ATXN7L1: variants seen among roughly 807,000 people sequenced by gnomAD.
The protein encoded by ATXN7L1 is ataxin 7 like 1.
In ATXN7L1, 15 loss-of-function variants were observed where a neutral mutation model predicts 70.8. The ratio of observed to expected loss-of-function variants is 0.21; its 90% CI spans 0.14 to 0.33. ATXN7L1 has a LOEUF of 0.33. ATXN7L1 is among the 10% of genes least tolerant of loss of function. The pLI, the probability that ATXN7L1 is intolerant of heterozygous loss-of-function variation, is 1.00. For synonymous variants in ATXN7L1, 440 were observed against 445.1 expected (o/e 0.99, Z 0.14); for missense variants, 975 against 1,097.1 (o/e 0.89, Z 1.57).
chr7:105,748,261 G>A (rs1378679941), intron 3 of ATXN7L1, among the ~76,000 whole-genome samples: 4 of 152,202 alleles, frequency 2.6e-5, no homozygotes, highest in African/African-American at 9.7e-5. Context: ...AGCAGACTTA[G>A]TCTGCATTTG....
At chr7:105,851,759 A>G (rs1002589356) in intron 2 of ATXN7L1, among the ~76,000 whole-genome samples, 5 of 152,296 alleles carry the variant, frequency 3.3e-5, no homozygotes, top group Admixed American at 3.3e-4. Flanking sequence ...ACAGGAAAGG[A>G]AAAGGAAAAA....
intron 3 of ATXN7L1, among the ~76,000 whole-genome samples, chr7:105,750,541 C>T (rs1323535330): frequency 6.7e-6 from 1 of 149,816 alleles, no homozygotes; most frequent in East Asian, 2.0e-4. Context: ...CAGGTGTGAG[C>T]CACCAATCCC....
At chr7:105,758,573 A>G (rs1288163742) in intron 3 of ATXN7L1, among the ~76,000 whole-genome samples, 2 of 152,200 alleles carry the variant, frequency 1.3e-5, no homozygotes, top group Non-Finnish European at 2.9e-5. Context: ...CAGTGGTGAC[A>G]GGTTCTGGCT....
intron 4 of ATXN7L1, among the ~76,000 whole-genome samples, chr7:105,645,063 A>C (rs77377126): frequency 2.1e-5 from 3 of 145,516 alleles, no homozygotes; most frequent in Non-Finnish European, 4.5e-5. Context: ...AGAGACAGAA[A>C]GCAGAGCAGT....
intron 5 of ATXN7L1, among the ~76,000 whole-genome samples, chr7:105,642,145 T>C (rs747665846): frequency 4.6e-5 from 7 of 152,192 alleles, no homozygotes; most frequent in Non-Finnish European, 7.3e-5. Context: ...AAGCAAACAT[T>C]ACCCACATAG....
At chr7:105,711,075 T>A (rs1032413151) in intron 3 of ATXN7L1, among the ~76,000 whole-genome samples, 1 of 152,156 alleles carries the variant, frequency 6.6e-6, no homozygotes, top group African/African-American at 2.4e-5. Flanking sequence ...GATTGAATTA[T>A]CTCCAACTGG....
intron 9 of ATXN7L1, among the ~76,000 whole-genome samples, chr7:105,616,216 ACACGTG>A (rs1434098658): frequency 6.6e-6 from 1 of 152,162 alleles, no homozygotes; most frequent in African/African-American, 2.4e-5. Flanking sequence ...GTGGGCTAGA[ACACGTG>A]CAAGACAGGG....
At chr7:105,660,525 C>T (rs933313788) in intron 4 of ATXN7L1, among the ~76,000 whole-genome samples, 3 of 146,456 alleles carry the variant, frequency 2.0e-5, no homozygotes, top group Non-Finnish European at 4.5e-5. Context: ...ATTCCATTCT[C>T]TTTGTCTACC....
At chr7:105,679,202 C>A (rs1790060) in intron 3 of ATXN7L1, 1 of 942,276 alleles carries the variant, frequency 1.1e-6, no homozygotes, top group East Asian at 1.2e-4. Context: ...CACGCCCAGA[C>A]GAGATTAGGG....
At chr7:105,612,365 G>A (rs16871759) in intron 10 of ATXN7L1, among the ~76,000 whole-genome samples, 11,389 of 152,276 alleles carry the variant, frequency 0.075, 700 homozygotes, top group East Asian at 0.35. Context: ...TGCTGGGACT[G>A]TATCTAAAAT....
intron 3 of ATXN7L1, among the ~76,000 whole-genome samples, chr7:105,749,065 C>G (rs978930164): frequency 6.6e-6 from 1 of 152,050 alleles, no homozygotes; most frequent in African/African-American, 2.4e-5. Context: ...TTTGGAATGC[C>G]CCACCTTACT....
Position 105,614,785 on chromosome 7 carries a change from G to C in ATXN7L1, c.1549C>G (p.Pro517Ala). Residue 517 changes from proline (P) to alanine (A), a missense_variant, in exon 10 of 12, where the codon CCC (proline) becomes GCC (alanine). Pro to Ala is a conservative substitution (Grantham distance 27, BLOSUM62 -1). This residue lies in a region of ATXN7L1 where 635 missense variants were observed against 699.4 expected (regional missense o/e 0.91). Coordinates refer to ENST00000419735, the MANE Select transcript of ATXN7L1 (RefSeq NM_020725.2). The surrounding 1 kb of genome is among the most constrained non-coding windows in gnomAD (Gnocchi z 4.3). ...GTGGTGATGTGGGCTGCTGGCGAGG[G>C]CAGGGGGCTATCTGCCGCAGGAGGG... ...KIPPAADSPL[P>A]SPAAHITTPV... The C allele has an allele frequency of 1.9e-6, 3 of 1,551,382 alleles. No homozygotes were observed. Among genetic ancestry groups the C allele is most frequent in the Non-Finnish European group, 2.6e-6 (3 of 1,146,786 alleles).
intron 3 of ATXN7L1, among the ~76,000 whole-genome samples, chr7:105,695,199 A>G (rs1441179607): frequency 6.6e-6 from 1 of 152,178 alleles, no homozygotes; most frequent in Non-Finnish European, 1.5e-5. Context: ...AGGCAGGAGA[A>G]TTGCTTGAAT....
At chr7:105,841,002 G>C (rs1813123957) in intron 2 of ATXN7L1, among the ~76,000 whole-genome samples, 1 of 152,216 alleles carries the variant, frequency 6.6e-6, no homozygotes, top group African/African-American at 2.4e-5. Context: ...AATGCATTTT[G>C]GGTAAGGCCA....
At chr7:105,717,513 T>C (rs984601128) in intron 3 of ATXN7L1, among the ~76,000 whole-genome samples, 1 of 152,230 alleles carries the variant, frequency 6.6e-6, no homozygotes, top group Non-Finnish European at 1.5e-5. Context: ...TTTGCTATTA[T>C]GGATAATTCT....
chr7:105,838,087 C>T (rs1227932404), intron 2 of ATXN7L1, among the ~76,000 whole-genome samples: 1 of 152,132 alleles, frequency 6.6e-6, no homozygotes, highest in Non-Finnish European at 1.5e-5. Context: ...GCTGTGTAGA[C>T]AATAAAGCGC....
intron 4 of ATXN7L1, among the ~76,000 whole-genome samples, chr7:105,646,975 G>T (rs988589897): frequency 1.3e-5 from 2 of 151,826 alleles, no homozygotes; most frequent in African/African-American, 4.8e-5. Flanking sequence ...AATCTGTTCT[G>T]TTCAAAAAGA....
At chr7:105,718,610 A>G (rs566068109) in intron 3 of ATXN7L1, among the ~76,000 whole-genome samples, 49 of 152,326 alleles carry the variant, frequency 3.2e-4, no homozygotes, top group African/African-American at 1.1e-3. Context: ...CACAGTTTGC[A>G]TCTCTGCAGT....
At chr7:105,630,478 G>A (rs546299992) in intron 7 of ATXN7L1, among the ~76,000 whole-genome samples, 22 of 152,174 alleles carry the variant, frequency 1.4e-4, no homozygotes, top group African/African-American at 4.8e-4. Flanking sequence ...ATTTTTTGGC[G>A]TAGAGGGCTT....
Sources: gnomAD v4.1 joint callset for allele counts (sites outside exome capture counted in the v4.1 genomes callset) on GRCh38, gnomAD v4.1.1 for gene constraint, gnomAD v4.1.1 regional missense constraint, Gnocchi (gnomAD v3.1) non-coding constraint, MANE v1.5 for transcripts, NCBI Gene and HGNC (gene_info 2026-07-23, HGNC 2026-07-21) for gene names.